Variants in CLIC5 observed in about 807,000 individuals in gnomAD.
CLIC5 encodes CLIC family member 5.
In CLIC5, 20 loss-of-function variants were observed where a neutral mutation model predicts 24.7. That is an observed-to-expected ratio of 0.81 (90% confidence interval 0.57 to 1.18). CLIC5 has a LOEUF of 1.18. CLIC5 is among the 50% of genes most tolerant of loss of function. The pLI is 0.00. For missense variants in CLIC5, 341 were observed against 326.1 expected (o/e 1.05, Z -0.35); for synonymous variants, 159 against 135.6 (o/e 1.17, Z -1.20).
intron 1 of CLIC5, among the ~76,000 whole-genome samples, chr6:46,039,086 T>C (rs1767737872): frequency 6.6e-6 from 1 of 152,164 alleles, no homozygotes; most frequent in African/African-American, 2.4e-5. Flanking sequence ...TTATAACTCA[T>C]TCATGCATAG....
intron 1 of CLIC5, among the ~76,000 whole-genome samples, chr6:45,981,668 T>C (rs146325793): frequency 6.6e-6 from 1 of 152,142 alleles, no homozygotes; most frequent in Non-Finnish European, 1.5e-5. Context: ...GGTGGGCATC[T>C]ACCAAGGGAA....
chr6:46,086,206 C>T, the CLIC5 span, among the ~76,000 whole-genome samples: 1 of 152,246 alleles, frequency 6.6e-6, no homozygotes, highest in Non-Finnish European at 1.5e-5. Context: ...CTGAGTGAGG[C>T]AATGCCTCGC....
chr6:45,984,646 C>T (rs796261083), intron 1 of CLIC5, among the ~76,000 whole-genome samples: 2 of 152,288 alleles, frequency 1.3e-5, no homozygotes, highest in African/African-American at 4.8e-5. Context: ...CAGGGCAAGG[C>T]TTTCATGGTC....
At chr6:46,110,354 C>T in the CLIC5 span, among the ~76,000 whole-genome samples, 30 of 152,318 alleles carry the variant, frequency 2.0e-4, no homozygotes, top group Non-Finnish European at 3.8e-4. Flanking sequence ...TTTACTCCAC[C>T]GGACTTTGTC....
intron 1 of CLIC5, among the ~76,000 whole-genome samples, chr6:46,076,000 C>T (rs1330887354): frequency 6.6e-6 from 1 of 152,234 alleles, no homozygotes; most frequent in Non-Finnish European, 1.5e-5. Context: ...AACGCACCCT[C>T]ATCTCTTGCC....
In CLIC5 at chr6:45,949,351, G is replaced by A. The variant is rs151203192; in HGVS notation, c.204C>T (p.Pro68=). ...AGGTCAGGAAGGGCGGGTGCGTGCCGGGGGCTAGGTTGTGCAGGTCAGCTG... is the reference window on the plus strand; with the variant it reads ...AGGTCAGGAAGGGCGGGTGCGTGCCAGGGGCTAGGTTGTGCAGGTCAGCTG... The part of the protein sequence containing the change: ...RKPADLHNLA[P]GTHPPFLTFN... The change falls in exon 3 of 6, where the codon CCC becomes CCT. Residue 68 remains proline, a synonymous_variant. Transcript: ENST00000339561. 218 of 1,613,044 alleles carry A rather than the reference G, an allele frequency of 1.4e-4. No homozygotes were observed. Among genetic ancestry groups the A allele is most frequent in the African/African-American group, 2.9e-4 (22 of 74,862 alleles).
intron 4 of CLIC5, among the ~76,000 whole-genome samples, chr6:45,925,118 C>A (rs1457571568): frequency 6.6e-6 from 1 of 152,160 alleles, no homozygotes; most frequent in African/African-American, 2.4e-5. Flanking sequence ...GTGAGAAAAG[C>A]AAATTCCTCT....
intron 1 of CLIC5, among the ~76,000 whole-genome samples, chr6:46,058,526 C>T (rs1202569063): frequency 1.3e-5 from 2 of 152,180 alleles, no homozygotes; most frequent in South Asian, 2.1e-4. Context: ...ACAAAGAAAA[C>T]CTTTGTGTGA....
At chr6:45,943,785 A>C (rs1764206924) in intron 3 of CLIC5, among the ~76,000 whole-genome samples, 2 of 152,142 alleles carry the variant, frequency 1.3e-5, no homozygotes. Context: ...TCGTGTATTC[A>C]GGGGGCTGTG....
chr6:45,939,523 G>A (rs1561949430), intron 4 of CLIC5, among the ~76,000 whole-genome samples: 1 of 152,098 alleles, frequency 6.6e-6, no homozygotes, highest in African/African-American at 2.4e-5. Flanking sequence ...AACAGTCATT[G>A]GATTTAGGGA....
chr6:45,996,181 C>T lies in CLIC5; in HGVS notation c.63+19299G>A, dbSNP rs555177423. ...GATCTGGGCTCTTTTTTGCAAACCA[C>T]GGAACTCACTCTAGCTAAATTAAGC... On this transcript the variant is annotated intron_variant, in intron 1 of 5. Coordinates refer to ENST00000339561, the MANE Select transcript of CLIC5 (RefSeq NM_016929.5). 6.4e-4 allele frequency among the ~76,000 whole-genome samples: 97 copies of T among 150,560 alleles called. No individual in the cohort carries two copies. In the Middle Eastern group the frequency reaches 0.01, roughly 16 times the overall value.
At chr6:45,995,646 C>A (rs887270588) in intron 1 of CLIC5, among the ~76,000 whole-genome samples, 2 of 152,082 alleles carry the variant, frequency 1.3e-5, no homozygotes, top group Non-Finnish European at 2.9e-5. Flanking sequence ...TAGAAGCACT[C>A]AAATTAGGTG....
At chr6:45,976,382 C>G (rs1398085675) in intron 1 of CLIC5, among the ~76,000 whole-genome samples, 1 of 152,014 alleles carries the variant, frequency 6.6e-6, no homozygotes, top group Non-Finnish European at 1.5e-5. Flanking sequence ...AGTAGACATC[C>G]CAGCTTGCCT....
chr6:45,956,103 C>A (rs1048828363), intron 1 of CLIC5, among the ~76,000 whole-genome samples: 1 of 152,146 alleles, frequency 6.6e-6, no homozygotes, highest in Admixed American at 6.6e-5. Context: ...TTCCTCAAAA[C>A]AGTAGGCTTT....
Position 46,040,508 on chromosome 6 carries a change from A to G in CLIC5, c.540+39195T>C, listed in dbSNP as rs139598827. Among the ~76,000 whole-genome samples, 518 of 151,946 alleles carry G rather than the reference A, an allele frequency of 3.4e-3. 14 individuals carry two copies. The highest frequency in any genetic ancestry group is 6.8e-4 in the Non-Finnish European group (46 of 67,962). On this transcript the variant is annotated intron_variant, in intron 1 of 5. Coordinates refer to the CLIC5 transcript ENST00000185206. ...GTTGGTAGTGGGCTTGATGATGATG[A>G]TGGTGGTGAATGATGATGGTGATGT... is the stretch of plus-strand genomic sequence containing the variant.
chr6:45,902,674 G>A lies in CLIC5; in HGVS notation c.*414C>T, dbSNP rs139594512. ...TCTTTCTAAGAAGGATGAAGATGGC[G>A]TTTGTCCTTGGCCTTGTAGGTATGG... On this transcript the variant is annotated 3_prime_UTR_variant, in exon 6 of 6. Transcript: ENST00000339561. 9.1e-5 allele frequency: 16 copies of A among 175,946 alleles called. No individual in the cohort carries two copies. Among genetic ancestry groups the A allele is most frequent in the African/African-American group, 2.4e-4 (10 of 41,812 alleles). 10.9% of individuals were successfully genotyped at this position (175,946 alleles called of 1,614,324 possible).
upstream of CLIC5, among the ~76,000 whole-genome samples, chr6:46,016,253 C>T (rs1047611082): frequency 2.0e-5 from 3 of 151,890 alleles, no homozygotes; most frequent in African/African-American, 7.3e-5. Flanking sequence ...AGATGGCTCT[C>T]AAGTCTTCTG....
intron 2 of CLIC5, 80 bp downstream of exon 2, chr6:45,955,055 G>C (rs771958382): frequency 1.0e-6 from 1 of 985,304 alleles, no homozygotes; most frequent in Non-Finnish European, 1.6e-6. Flanking sequence ...TGGGAGCCAC[G>C]GAAGGCTTTT....
At position 45,981,788 on chromosome 6, in the gene CLIC5, T is replaced by C. The variant is rs554356357; in HGVS notation, c.64-26544A>G. On this transcript the variant is annotated intron_variant, in intron 1 of 5. Coordinates refer to ENST00000339561, the MANE Select transcript of CLIC5 (RefSeq NM_016929.5). ...GGGAGGCCAAGGAGGGTGGATCACC[T>C]GAGGATCAAGATCAGCATGGCCAAC... 5.3e-5 allele frequency among the ~76,000 whole-genome samples: 8 copies of C among 152,180 alleles called. No homozygotes were observed. In the South Asian group the frequency reaches 1.7e-3, roughly 32 times the overall value.
Sources: allele counts gnomAD v4.1 joint callset (sites outside exome capture counted in the v4.1 genomes callset), GRCh38; gene constraint gnomAD v4.1.1; transcripts MANE v1.5; gene names NCBI Gene and HGNC (gene_info 2026-07-23, HGNC 2026-07-21).